Variants in CDH12 observed in about 807,000 individuals in gnomAD.
CDH12 encodes the protein cadherin 12, also known as cadherin-12.
A neutral mutation model predicts 74.1 loss-of-function variants in CDH12; 41 were observed. The observed-to-expected ratio is 0.55, with a 90% CI of 0.43 to 0.72. The LOEUF (loss-of-function observed/expected upper bound fraction) is 0.72. CDH12 is among the 30% of genes least tolerant of loss of function. The pLI is 0.00. For synonymous variants in CDH12, 399 were observed against 355.0 expected (o/e 1.12, Z -1.39); for missense variants, 945 against 977.2 (o/e 0.97, Z 0.44).
At chr5:22,342,303 G>C (rs923243332) in intron 3 of CDH12, among the ~76,000 whole-genome samples, 1 of 152,098 alleles carries the variant, frequency 6.6e-6, no homozygotes, top group Non-Finnish European at 1.5e-5. Flanking sequence ...TCTCAATACT[G>C]TATCACCAGT....
At chr5:22,614,904 T>C (rs529698855) in intron 1 of CDH12, among the ~76,000 whole-genome samples, 33 of 152,144 alleles carry the variant, frequency 2.2e-4, no homozygotes, top group Non-Finnish European at 3.8e-4. Flanking sequence ...CAGAGACGGT[T>C]ACCAAGCAAC....
intron 3 of CDH12, among the ~76,000 whole-genome samples, chr5:22,240,814 G>A (rs556772767): frequency 6.6e-6 from 1 of 152,270 alleles, no homozygotes; most frequent in African/African-American, 2.4e-5. Context: ...GATTACAGGC[G>A]TGAGCCACCG....
intron 13 of CDH12, among the ~76,000 whole-genome samples, chr5:21,759,301 G>T (rs533056172): frequency 1.1e-3 from 167 of 151,408 alleles, no homozygotes; most frequent in African/African-American, 4.0e-3. Flanking sequence ...AATGTGTAAA[G>T]ACAAATTTTA....
At chr5:22,275,264 G>A (rs1736583369) in intron 3 of CDH12, among the ~76,000 whole-genome samples, 1 of 151,744 alleles carries the variant, frequency 6.6e-6, no homozygotes, top group Non-Finnish European at 1.5e-5. Flanking sequence ...TGCACGTTCT[G>A]CACATGTATC....
chr5:22,480,194 A>G (rs1489512932), intron 2 of CDH12, among the ~76,000 whole-genome samples: 2 of 151,822 alleles, frequency 1.3e-5, no homozygotes, highest in African/African-American at 4.8e-5. Flanking sequence ...TCCCTAAGTT[A>G]TTTTTAGGAC....
At chr5:22,442,624 G>T (rs992923001) in intron 2 of CDH12, among the ~76,000 whole-genome samples, 1 of 151,970 alleles carries the variant, frequency 6.6e-6, no homozygotes, top group Non-Finnish European at 1.5e-5. Context: ...TTTTTATTCC[G>T]TTAATTTTGT....
chr5:22,264,425 A>G (rs1210702973), intron 3 of CDH12, among the ~76,000 whole-genome samples: 1 of 152,158 alleles, frequency 6.6e-6, no homozygotes, highest in East Asian at 1.9e-4. Flanking sequence ...GGTTTTATTC[A>G]TTCTATATTA....
At chr5:22,433,334 A>G (rs1410819782) in intron 2 of CDH12, among the ~76,000 whole-genome samples, 1 of 152,212 alleles carries the variant, frequency 6.6e-6, no homozygotes, top group East Asian at 1.9e-4. Context: ...AGAATAAAGT[A>G]CAGTTTCAAA....
intron 6 of CDH12, among the ~76,000 whole-genome samples, chr5:21,870,784 T>G (rs1017067430): frequency 6.6e-6 from 1 of 152,144 alleles, no homozygotes; most frequent in Non-Finnish European, 1.5e-5. Context: ...CAGGTTGGGG[T>G]ACAGGGGTAT....
At chr5:22,821,263 C>T (rs1749685018) in intron 1 of CDH12, among the ~76,000 whole-genome samples, 1 of 152,110 alleles carries the variant, frequency 6.6e-6, no homozygotes, top group African/African-American at 2.4e-5. Flanking sequence ...CTATGACAAA[C>T]CCACAGCCAA....
chr5:22,233,178 C>T (rs965831128), intron 3 of CDH12, among the ~76,000 whole-genome samples: 9 of 151,778 alleles, frequency 5.9e-5, no homozygotes, highest in Admixed American at 4.6e-4. Context: ...AATTCATAAA[C>T]GTAATTCTGC....
chr5:22,202,660 C>T (rs1174045397), intron 4 of CDH12, among the ~76,000 whole-genome samples: 5 of 152,124 alleles, frequency 3.3e-5, no homozygotes, highest in Non-Finnish European at 5.9e-5. Flanking sequence ...CACTTGTCCA[C>T]GTCAGTACTA....
At chr5:21,920,699 C>T (rs902220796) in intron 6 of CDH12, among the ~76,000 whole-genome samples, 83 of 47,984 alleles carry the variant, frequency 1.7e-3, no homozygotes, top group African/African-American at 3.4e-3. Context: ...ATCTTCAAAG[C>T]CAATATAGCC....
intron 4 of CDH12, among the ~76,000 whole-genome samples, chr5:22,162,435 A>G (rs1748408182): frequency 6.6e-6 from 1 of 152,116 alleles, no homozygotes; most frequent in South Asian, 2.1e-4. Flanking sequence ...TTGGTGTTAC[A>G]TTAAATTTGC....
intron 3 of CDH12, among the ~76,000 whole-genome samples, chr5:22,314,942 T>C (rs893006924): frequency 8.1e-5 from 1 of 12,334 alleles, no homozygotes; most frequent in Non-Finnish European, 1.8e-4. Flanking sequence ...TGGGTTGGTC[T>C]TTTTTTTTTT....
intron 1 of CDH12, among the ~76,000 whole-genome samples, chr5:22,645,052 T>G (rs2126876030): frequency 6.6e-6 from 1 of 152,224 alleles, no homozygotes; most frequent in South Asian, 2.1e-4. Context: ...TTTCTATGCT[T>G]GCTAAGTCAG....
chr5:22,396,272 G>A (rs1177628685), intron 3 of CDH12, among the ~76,000 whole-genome samples: 1 of 152,034 alleles, frequency 6.6e-6, no homozygotes, highest in Non-Finnish European at 1.5e-5. Context: ...CCCTGGAGAG[G>A]TCAGCATCAG....
intron 9 of CDH12, among the ~76,000 whole-genome samples, chr5:21,813,713 T>C (rs893143037): frequency 6.6e-6 from 1 of 152,116 alleles, no homozygotes; most frequent in African/African-American, 2.4e-5. Context: ...AAATTGCTGC[T>C]CAAACTTTTA....
At chr5:21,796,121 T>C (rs1746766314) in intron 10 of CDH12, among the ~76,000 whole-genome samples, 2 of 152,024 alleles carry the variant, frequency 1.3e-5, no homozygotes, top group Non-Finnish European at 2.9e-5. Context: ...AACAAAAGCA[T>C]AGATAAGATG....
Sources: gnomAD v4.1 joint callset for allele counts (sites outside exome capture counted in the v4.1 genomes callset) on GRCh38, gnomAD v4.1.1 for gene constraint, MANE v1.5 for transcripts, NCBI Gene and HGNC (gene_info 2026-07-23, HGNC 2026-07-21) for gene names.